The following EHMT2 variants were observed in gnomAD, a reference collection of about 807,000 sequenced individuals.
The protein encoded by EHMT2 is euchromatic histone lysine methyltransferase 2.
Under a neutral mutation model 143.3 loss-of-function variants are expected in EHMT2, and 59 were observed. The ratio of observed to expected loss-of-function variants is 0.41; its 90% confidence interval spans 0.33 to 0.51. The LOEUF (loss-of-function observed/expected upper bound fraction) is 0.51, where lower values mean the gene tolerates loss of function less well. EHMT2 is among the 20% of genes least tolerant of loss of function. The probability of loss-of-function intolerance (pLI) is 0.18; values close to 1 mark genes in which losing one functional copy is unlikely to be tolerated. For synonymous variants in EHMT2, 604 were observed against 651.5 expected, an observed-to-expected ratio of 0.93 and a Z score of 1.11; for missense variants, 1,174 against 1,645.9, an observed-to-expected ratio of 0.71 and a Z score of 4.96.
intron 4 of EHMT2, 100 bp downstream of exon 4, chr6:31,896,163 A>C: frequency 6.7e-7 from 1 of 1,493,678 alleles, no homozygotes. Context: ...CCTTGCTTAA[A>C]TATGTGAATG....
At position 31,896,832 on chromosome 6, in the gene EHMT2, G is replaced by A. The variant is rs770282453; in HGVS notation, c.110-8C>T. 8 of 1,612,826 alleles carry A rather than the reference G, an allele frequency of 5.0e-6. No individual in the cohort carries two copies. Among genetic ancestry groups the A allele is most frequent in the Non-Finnish European group, 6.8e-6 (8 of 1,179,972 alleles). Reference sequence around the variant, plus strand: ...CCCCCAAAGAGCCATGAACTGTAGAGGAAGAGAAAAAGTTCAGAGCTAAGG... The same window carrying A: ...CCCCCAAAGAGCCATGAACTGTAGAAGAAGAGAAAAAGTTCAGAGCTAAGG... On this transcript the variant is annotated splice_polypyrimidine_tract_variant and splice_region_variant and intron_variant, in intron 2 of 27. Transcript: ENST00000375537.
In EHMT2 at chr6:31,892,766, A is replaced by AT. The variant is rs754158855; in HGVS notation, c.668-33dup. The AT allele has an allele frequency of 1.9e-6, 3 of 1,613,084 alleles. No homozygotes were observed. In the East Asian group the frequency reaches 6.7e-5, roughly 36 times the overall value. ...GAAGAGAGAGAATGGTGTGGGGCCT[A>AT]TCACCGAAACCTTCAGAACAGACCA... On this transcript the variant is annotated intron_variant, in intron 5 of 27. Coordinates refer to ENST00000375537, the Ensembl canonical transcript of EHMT2.
chr6:31,896,037 T>A, intron 4 of EHMT2: 1 of 521,166 alleles, frequency 1.9e-6, no homozygotes, highest in Non-Finnish European at 3.3e-6. Context: ...ATTAACTATA[T>A]AATTGACTCT....
chr6:31,884,707 G>C lies in EHMT2; in HGVS notation c.2541C>G (p.Val847=). Residue 847 remains valine, a synonymous_variant, in exon 20 of 28, where the codon GTC becomes GTG. Coordinates refer to ENST00000375537, the Ensembl canonical transcript of EHMT2. The surrounding 1 kb of genome is among the most constrained non-coding windows in gnomAD (Gnocchi z 7.3). Reference sequence around the variant, plus strand: ...GCAGGGGGGTGTCCCCATGGTAGTTGACAGCATGGAGGTCACAGCGCGCAT... The same window carrying C: ...GCAGGGGGGTGTCCCCATGGTAGTTCACAGCATGGAGGTCACAGCGCGCAT... 6.3e-7 allele frequency: 1 copy of C among 1,590,930 alleles called. No homozygotes were observed. The highest frequency in any genetic ancestry group is 8.6e-7 in the Non-Finnish European group (1 of 1,167,080).
In EHMT2 at chr6:31,884,840, G is replaced by T. The variant is rs114387109; in HGVS notation, c.2449-41C>A. Reference sequence around the variant, plus strand: ...GGGAACAGATGAGGTGCAGGCAGCTGGGCCCTTGAATCCAGCCTCCACCTT... The same window carrying T: ...GGGAACAGATGAGGTGCAGGCAGCTTGGCCCTTGAATCCAGCCTCCACCTT... On this transcript the variant is annotated intron_variant, in intron 19 of 27. Transcript: ENST00000375537. The surrounding 1 kb of genome is among the most constrained non-coding windows in gnomAD (Gnocchi z 7.3). 0.037 allele frequency: 57,986 copies of T among 1,578,990 alleles called. 1,344 individuals are homozygous for T. Among genetic ancestry groups the T allele is most frequent in the African/African-American group, 0.084 (6,269 of 74,206 alleles).
chr6:31,886,321 G>A (rs1015034587), intron 18 of EHMT2: 66 of 523,772 alleles, frequency 1.3e-4, no homozygotes, highest in South Asian at 3.6e-4. Flanking sequence ...TCCAATGTAT[G>A]ACAACCCAAG....
At chr6:31,886,625 C>A (rs1764881418) in exon 18 of EHMT2, 2 of 1,613,392 alleles carry the variant, frequency 1.2e-6, no homozygotes, top group African/African-American at 2.7e-5. Context: ...AGCAGGCTGA[C>A]CATCTCCAAG....
chr6:31,888,930 G>GC lies in EHMT2; in HGVS notation c.1216+38dup. On this transcript the variant is annotated intron_variant, in intron 10 of 27. Transcript: ENST00000375537. This position sits in a 1 kb window ranked among gnomAD's most constrained non-coding sequence, Gnocchi z 7.4. ...TCCCTTTCCCTCCTGCCCTGAGGTC[G>GC]CCCCCTAGTGGCTCCCTGTCCCGGC... The GC allele has an allele frequency of 6.4e-7, 1 of 1,553,312 alleles. No individual in the cohort carries two copies.
At chr6:31,892,934 T>C in intron 4 of EHMT2, 24 bp from the exon 5 acceptor site, 1 of 1,523,038 alleles carries the variant, frequency 6.6e-7, no homozygotes, top group Non-Finnish European at 8.8e-7. Flanking sequence ...GGGAGCACAC[T>C]GAGGGTCAGA....
chr6:31,889,614 G>A lies in EHMT2; in HGVS notation c.865-12C>T. 6.2e-7 allele frequency: 1 copy of A among 1,609,000 alleles called. No individual in the cohort carries two copies. Among genetic ancestry groups the A allele is most frequent in the Non-Finnish European group, 8.5e-7 (1 of 1,179,958 alleles). ...GCTTCAACTTCAGACTGGGAGAGAG[G>A]CAGAACAGACATATCCAACCCCCAG... On this transcript the variant is annotated splice_polypyrimidine_tract_variant and intron_variant, in intron 7 of 27. Transcript: ENST00000375537. The surrounding 1 kb of genome is among the most constrained non-coding windows in gnomAD (Gnocchi z 5.1).
rs1351711642 is a variant in EHMT2, at chr6:31,889,421, C to A, written c.999+47G>T. ...AACACCTTCAGGACCAGACCTCCAGCCCCATAGTCTCCCACTCCTCTGGAG... is the reference window on the plus strand; with the variant it reads ...AACACCTTCAGGACCAGACCTCCAGACCCATAGTCTCCCACTCCTCTGGAG... On this transcript the variant is annotated intron_variant, in intron 8 of 27. Coordinates refer to ENST00000375537, the Ensembl canonical transcript of EHMT2. This position sits in a 1 kb window ranked among gnomAD's most constrained non-coding sequence, Gnocchi z 5.1. The A allele has an allele frequency of 6.2e-7, 1 of 1,608,830 alleles. No homozygotes were observed. Among genetic ancestry groups the A allele is most frequent in the Non-Finnish European group, 8.5e-7 (1 of 1,177,744 alleles).
chr6:31,887,203 C>G (rs1764985906), intron 15 of EHMT2, 102 bp from the exon 16 acceptor site: 3 of 974,542 alleles, frequency 3.1e-6, no homozygotes, highest in Non-Finnish European at 4.6e-6. Flanking sequence ...GGGCCCCAAG[C>G]TGGATCAGGG....
intron 4 of EHMT2, chr6:31,893,486 GTCT>G (rs1056576715): frequency 1.4e-5 from 5 of 357,808 alleles, no homozygotes; most frequent in South Asian, 8.3e-5. Context: ...CCTAACTAAT[GTCT>G]TCTTAATTTT....
At chr6:31,886,199 C>T (rs1285447926) in intron 18 of EHMT2, 3 of 208,540 alleles carry the variant, frequency 1.4e-5, no homozygotes, top group African/African-American at 2.3e-5. Context: ...TCAAAGGCCA[C>T]TGGGCCACTG....
At chr6:31,885,007 C>G in exon 19 of EHMT2, 2 of 1,606,998 alleles carry the variant, frequency 1.2e-6, no homozygotes, top group Non-Finnish European at 1.7e-6. Flanking sequence ...GGCGTCCACC[C>G]CCCACTGTCC....
chr6:31,879,898 C>G (rs2151581363), exon 28 of EHMT2: 1 of 684,742 alleles, frequency 1.5e-6, no homozygotes, highest in African/African-American at 1.8e-5. Context: ...AGGGAGGAAC[C>G]AGCTCTGGGA....
Position 31,896,245 on chromosome 6 carries a change from C to T in EHMT2, c.582+18G>A. Reference sequence around the variant, plus strand: ...AAAGGTTTATGGTTGATTATCCCATCTCTCCCATCCCACTCACCTGTCCAT... The same window carrying T: ...AAAGGTTTATGGTTGATTATCCCATTTCTCCCATCCCACTCACCTGTCCAT... On this transcript the variant is annotated intron_variant, in intron 4 of 27. Transcript: ENST00000375537. The T allele has an allele frequency of 6.3e-7, 1 of 1,598,052 alleles. No individual in the cohort carries two copies. The highest frequency in any genetic ancestry group is 8.5e-7 in the Non-Finnish European group (1 of 1,170,728).
chr6:31,895,232 ACCCATTATCTT>A (rs1562517325), intron 4 of EHMT2, among the ~76,000 whole-genome samples: 19 of 152,204 alleles, frequency 1.2e-4, no homozygotes, highest in African/African-American at 4.3e-4. Flanking sequence ...GTGCTGCTTC[ACCCATTATCTT>A]CATGTGCCTA....
At chr6:31,891,623 T>C (rs911781423) in intron 7 of EHMT2, among the ~76,000 whole-genome samples, 16 of 152,110 alleles carry the variant, frequency 1.1e-4, no homozygotes, top group African/African-American at 3.6e-4. Context: ...TGCTTGCAAG[T>C]TTTCATGATA....
Sources: allele counts gnomAD v4.1 joint callset (sites outside exome capture counted in the v4.1 genomes callset), GRCh38; gene constraint gnomAD v4.1.1; non-coding constraint Gnocchi (gnomAD v3.1); transcripts MANE v1.5; gene names NCBI Gene and HGNC (gene_info 2026-07-23, HGNC 2026-07-21).